The following MAGI1 variants were observed in gnomAD, a reference collection of about 807,000 sequenced individuals.
MAGI1 encodes the protein membrane associated guanylate kinase, WW and PDZ domain containing 1.
Under a neutral mutation model 139.9 loss-of-function variants are expected in MAGI1, and 58 were observed. The ratio of observed to expected loss-of-function variants is 0.41; its 90% CI spans 0.34 to 0.52. The LOEUF (loss-of-function observed/expected upper bound fraction) is 0.52, where lower values mean the gene tolerates loss of function less well. MAGI1 is among the 20% of genes least tolerant of loss of function. The probability of loss-of-function intolerance (pLI) is 0.12; values close to 1 mark genes in which losing one functional copy is unlikely to be tolerated. For synonymous variants in MAGI1, 812 were observed against 737.9 expected, an observed-to-expected ratio of 1.10 and a Z score of -1.63; for missense variants, 1,874 against 1,901.6, an observed-to-expected ratio of 0.99 and a Z score of 0.27.
chr3:65,417,948 C>T (rs760277243), intron 12 of MAGI1, among the ~76,000 whole-genome samples: 12 of 152,094 alleles, frequency 7.9e-5, no homozygotes, highest in East Asian at 1.9e-4. Context: ...TAGCAGAGGG[C>T]GATTTTGCCC....
chr3:65,565,870 A>G (rs1179799290), intron 2 of MAGI1, among the ~76,000 whole-genome samples: 3 of 151,176 alleles, frequency 2.0e-5, no homozygotes, highest in Non-Finnish European at 1.5e-5. Flanking sequence ...AAAAAAAAAA[A>G]AAAAGAAACA....
intron 1 of MAGI1, among the ~76,000 whole-genome samples, chr3:65,719,017 CAAA>C (rs57290579): frequency 0.039 from 3,780 of 96,370 alleles, 167 homozygotes; most frequent in African/African-American, 0.12. Context: ...ATAACCCTAC[CAAA>C]AAAAAAAAAA....
At chr3:65,607,334 CCCCT>C (rs1334676276) in intron 2 of MAGI1, among the ~76,000 whole-genome samples, 1 of 151,772 alleles carries the variant, frequency 6.6e-6, no homozygotes, top group Non-Finnish European at 1.5e-5. Context: ...ATTGTATATG[CCCCT>C]GAAGCAACTT....
At chr3:65,628,646 C>A (rs1279852982) in intron 1 of MAGI1, among the ~76,000 whole-genome samples, 1 of 152,110 alleles carries the variant, frequency 6.6e-6, no homozygotes. Flanking sequence ...GTGAGCCACT[C>A]TTACCAGTTA....
At chr3:65,798,263 C>T (rs924599025) in intron 1 of MAGI1, among the ~76,000 whole-genome samples, 10 of 152,084 alleles carry the variant, frequency 6.6e-5, no homozygotes, top group East Asian at 5.8e-4. Context: ...GAGATCACAC[C>T]ACTGCACTCC....
intron 1 of MAGI1, among the ~76,000 whole-genome samples, chr3:65,866,499 G>A (rs1271660233): frequency 3.9e-5 from 6 of 151,990 alleles, no homozygotes; most frequent in African/African-American, 7.3e-5. Context: ...GGCCTTGAAC[G>A]ACTATTCATA....
At chr3:65,999,337 A>G (rs2066619668) in intron 1 of MAGI1, among the ~76,000 whole-genome samples, 1 of 152,198 alleles carries the variant, frequency 6.6e-6, no homozygotes, top group Non-Finnish European at 1.5e-5. Flanking sequence ...ATGAGAAAGA[A>G]TCAATAAAAT....
At chr3:65,363,629 C>T (rs1252891241) in intron 20 of MAGI1, 21 bp from the exon 21 acceptor site, 4 of 1,606,592 alleles carry the variant, frequency 2.5e-6, no homozygotes, top group East Asian at 2.2e-5. Context: ...AAATTAAATG[C>T]AATCATTCTA....
chr3:65,971,727 C>A (rs962542028), intron 1 of MAGI1, among the ~76,000 whole-genome samples: 6 of 152,192 alleles, frequency 3.9e-5, no homozygotes, highest in African/African-American at 7.2e-5. Flanking sequence ...CCTTCCTGCA[C>A]CCTGCTGGGA....
At chr3:65,963,480 G>T (rs953030644) in intron 1 of MAGI1, among the ~76,000 whole-genome samples, 1 of 152,092 alleles carries the variant, frequency 6.6e-6, no homozygotes, top group African/African-American at 2.4e-5. Context: ...GCTGGGCATG[G>T]TGTCATGCGC....
chr3:65,682,922 C>T (rs1394342485), intron 1 of MAGI1, among the ~76,000 whole-genome samples: 9 of 151,994 alleles, frequency 5.9e-5, no homozygotes, highest in Non-Finnish European at 2.9e-5. Flanking sequence ...CGGATGGGGA[C>T]GGGGAAGGGG....
chr3:65,791,202 C>T (rs1167624969), intron 1 of MAGI1, among the ~76,000 whole-genome samples: 3 of 152,240 alleles, frequency 2.0e-5, no homozygotes, highest in Non-Finnish European at 4.4e-5. Flanking sequence ...TCTCTTCGCT[C>T]CAAGCCAATG....
At chr3:65,590,909 C>T (rs1295816197) in intron 2 of MAGI1, among the ~76,000 whole-genome samples, 1 of 152,198 alleles carries the variant, frequency 6.6e-6, no homozygotes, top group Non-Finnish European at 1.5e-5. Flanking sequence ...CTTACACATG[C>T]TGATGAGAAT....
At chr3:65,717,215 CAA>C (rs778457327) in intron 1 of MAGI1, among the ~76,000 whole-genome samples, 1 of 152,120 alleles carries the variant, frequency 6.6e-6, no homozygotes, top group East Asian at 1.9e-4. Flanking sequence ...ACCGAAAAGT[CAA>C]AGAGTTGTCT....
At position 65,537,840 on chromosome 3, in the gene MAGI1, A is replaced by C. The variant is rs1450621305; in HGVS notation, c.431-44209T>G. On this transcript the variant is annotated intron_variant, in intron 2 of 22. Coordinates refer to ENST00000402939, the MANE Select transcript of MAGI1 (RefSeq NM_001033057.2). ...AAGATAATTATCTTTTAAATGTATC[A>C]AACACGGTGGCTCACACCTGTAATC... Among the ~76,000 whole-genome samples the C allele has an allele frequency of 4.6e-5, 7 of 152,282 alleles. No individual in the cohort carries two copies. The East Asian group carries it at 1.3e-3, about 29-fold the overall frequency.
chr3:65,441,099 T>G (rs576816152), intron 8 of MAGI1, among the ~76,000 whole-genome samples: 1 of 152,066 alleles, frequency 6.6e-6, no homozygotes, highest in South Asian at 2.1e-4. Context: ...TAGCTGGGAT[T>G]TCAAGCGTGC....
chr3:65,396,136 A>T (rs1167192100), intron 13 of MAGI1, among the ~76,000 whole-genome samples: 1 of 152,186 alleles, frequency 6.6e-6, no homozygotes, highest in Non-Finnish European at 1.5e-5. Flanking sequence ...GATCACCAAA[A>T]GGAGGAGAGC....
chr3:65,459,996 G>T (rs1287129273), intron 5 of MAGI1, among the ~76,000 whole-genome samples: 1 of 152,112 alleles, frequency 6.6e-6, no homozygotes, highest in Non-Finnish European at 1.5e-5. Flanking sequence ...ACACTTGCAG[G>T]GAAGGCATTT....
rs137986778 is a variant in MAGI1, at chr3:65,928,464, T to C, written c.313+109532A>G. 7.2e-5 allele frequency among the ~76,000 whole-genome samples: 11 copies of C among 152,300 alleles called. No homozygotes were observed. The East Asian group carries it at 2.1e-3, about 29-fold the overall frequency. ...TTTCAACAGAAACTGGATGACCTCA[T>C]TTGTCAGGAGCACATGAGATGAAAT... On this transcript the variant is annotated intron_variant, in intron 1 of 22. Coordinates refer to ENST00000402939, the MANE Select transcript of MAGI1 (RefSeq NM_001033057.2).
Sources: gnomAD v4.1 joint callset for allele counts (sites outside exome capture counted in the v4.1 genomes callset) on GRCh38, gnomAD v4.1.1 for gene constraint, MANE v1.5 for transcripts, NCBI Gene and HGNC (gene_info 2026-07-23, HGNC 2026-07-21) for gene names.